The following VRK2 variants were observed in gnomAD, a reference collection of about 807,000 sequenced individuals.
VRK2 encodes serine/threonine-protein kinase VRK2.
Under a neutral mutation model 57.6 loss-of-function variants are expected in VRK2, and 60 were observed. The ratio of observed to expected loss-of-function variants is 1.04; its 90% confidence interval spans 0.85 to 1.29. The LOEUF is 1.29. Among genes scored for constraint, VRK2 ranks in the 50% most tolerant of loss-of-function variants. The probability of loss-of-function intolerance (pLI) is 0.00; values close to 1 mark genes in which losing one functional copy is unlikely to be tolerated. For synonymous variants in VRK2, 231 were observed against 199.2 expected (o/e 1.16, Z -1.35); for missense variants, 705 against 588.1 (o/e 1.20, Z -2.06).
intron 2 of VRK2, among the ~76,000 whole-genome samples, chr2:58,076,987 C>G (rs995613629): frequency 6.6e-6 from 1 of 151,884 alleles, no homozygotes; most frequent in Non-Finnish European, 1.5e-5. Flanking sequence ...AGAAAATTAG[C>G]ATTGATACAA....
intron 2 of VRK2, among the ~76,000 whole-genome samples, chr2:58,063,753 G>A (rs946890072): frequency 2.0e-5 from 3 of 152,036 alleles, no homozygotes; most frequent in East Asian, 1.9e-4. Flanking sequence ...AATACATTTC[G>A]TAAGGCTTCA....
rs186348336 is a variant in VRK2 at position 57,962,664 on chromosome 2, C to T, written c.-439+54825C>T. Among the ~76,000 whole-genome samples, 57 of 152,252 alleles carry T rather than the reference C, an allele frequency of 3.7e-4. 1 individual carries two copies. The Middle Eastern group carries it at 0.014, about 36-fold the overall frequency. ...TTTAGCTCCAATCTATAAATGAGAA[C>T]ATGCAGTATTTCCGGTCTCTATGTC... On this transcript the variant is annotated intron_variant, in intron 1 of 15. Transcript: ENST00000417641.
At chr2:58,139,904 G>T in intron 11 of VRK2, 72 bp downstream of exon 11, 2 of 1,466,826 alleles carry the variant, frequency 1.4e-6, no homozygotes, top group South Asian at 3.0e-5. Context: ...AATTGTTTTA[G>T]GTCTCAAAAT....
At chr2:58,133,362 C>A (rs1053036270) in intron 9 of VRK2, among the ~76,000 whole-genome samples, 1 of 152,016 alleles carries the variant, frequency 6.6e-6, no homozygotes, top group Non-Finnish European at 1.5e-5. Flanking sequence ...ATAATGTAAA[C>A]CTATAGACTA....
At chr2:58,015,058 C>G (rs924221786) in intron 1 of VRK2, among the ~76,000 whole-genome samples, 1 of 152,098 alleles carries the variant, frequency 6.6e-6, no homozygotes. Flanking sequence ...CACAATAGAG[C>G]ACTAATACAG....
chr2:58,114,158 G>T (rs908056612), intron 7 of VRK2, among the ~76,000 whole-genome samples: 2 of 152,076 alleles, frequency 1.3e-5, no homozygotes, highest in Non-Finnish European at 2.9e-5. Context: ...AAGAGAAGGA[G>T]AAAAACAGGT....
chr2:58,131,202 A>C (rs1679141472), intron 8 of VRK2, among the ~76,000 whole-genome samples: 1 of 151,700 alleles, frequency 6.6e-6, no homozygotes, highest in South Asian at 2.1e-4. Flanking sequence ...AATATTTGTA[A>C]AATTATCCAA....
intron 1 of VRK2, among the ~76,000 whole-genome samples, chr2:57,911,548 CCA>C (rs1415572171): frequency 6.6e-6 from 1 of 152,154 alleles, no homozygotes; most frequent in Non-Finnish European, 1.5e-5. Flanking sequence ...AAGTGGACTT[CCA>C]CCTTTGTTTT....
chr2:58,151,520 G>A (rs1254145653), intron 12 of VRK2, among the ~76,000 whole-genome samples: 1 of 151,200 alleles, frequency 6.6e-6, no homozygotes, highest in African/African-American at 2.4e-5. Context: ...ATAAAATCTG[G>A]CAAACACTAT....
intron 2 of VRK2, among the ~76,000 whole-genome samples, chr2:58,053,269 A>C (rs1676028297): frequency 2.0e-5 from 3 of 152,252 alleles, no homozygotes; most frequent in Admixed American, 2.0e-4. Context: ...ATCTTTTATA[A>C]AGATACTATC....
At chr2:57,951,877 T>C (rs1436516352) in intron 1 of VRK2, among the ~76,000 whole-genome samples, 1 of 151,672 alleles carries the variant, frequency 6.6e-6, no homozygotes, top group African/African-American at 2.4e-5. Flanking sequence ...CTGAGTAGTT[T>C]AAACTACAGA....
At chr2:58,095,936 G>A (rs929548936) in intron 7 of VRK2, among the ~76,000 whole-genome samples, 3 of 152,072 alleles carry the variant, frequency 2.0e-5, no homozygotes, top group Admixed American at 6.5e-5. Context: ...GAGTGTGTGT[G>A]TATCTGTTTA....
chr2:58,137,175 T>TATATCATATATGATAC (rs1553422375), intron 10 of VRK2, among the ~76,000 whole-genome samples: 5 of 82,282 alleles, frequency 6.1e-5, no homozygotes, highest in South Asian at 3.6e-4. Context: ...TCATATATCA[T>TATATCATATATGATAC]ATATATCATA....
intron 3 of VRK2, among the ~76,000 whole-genome samples, chr2:58,034,793 A>C (rs1006189788): frequency 2.0e-5 from 3 of 152,004 alleles, no homozygotes; most frequent in Non-Finnish European, 4.4e-5. Context: ...CAAAAAACAA[A>C]AAAAAAAACT....
At chr2:58,026,587 G>C (rs917447247) in intron 2 of VRK2, among the ~76,000 whole-genome samples, 3 of 152,156 alleles carry the variant, frequency 2.0e-5, no homozygotes, top group African/African-American at 7.2e-5. Context: ...TTTTTAGAAT[G>C]TATTGACCTT....
chr2:57,984,360 A>G (rs894910932), intron 1 of VRK2, among the ~76,000 whole-genome samples: 5 of 152,128 alleles, frequency 3.3e-5, no homozygotes, highest in African/African-American at 1.2e-4. Context: ...CCCTCTTAGC[A>G]AAGTGTTTTA....
At chr2:57,974,217 A>C (rs1672178075) in intron 1 of VRK2, among the ~76,000 whole-genome samples, 1 of 152,000 alleles carries the variant, frequency 6.6e-6, no homozygotes, top group African/African-American at 2.4e-5. Flanking sequence ...AATGGATCGA[A>C]AGAAAAACTG....
At chr2:57,973,779 GAT>G (rs148190875) in intron 1 of VRK2, among the ~76,000 whole-genome samples, 20 of 150,644 alleles carry the variant, frequency 1.3e-4, no homozygotes, top group African/African-American at 4.4e-4. Context: ...CTTCTTGAAA[GAT>G]ATATATATAT....
At chr2:57,961,644 T>C in intron 1 of VRK2, among the ~76,000 whole-genome samples, 1 of 108,166 alleles carries the variant, frequency 9.2e-6, no homozygotes, top group Non-Finnish European at 1.8e-5. Flanking sequence ...CACTTATTAC[T>C]CTGATTAATC....
Sources: gnomAD v4.1 joint callset for allele counts (sites outside exome capture counted in the v4.1 genomes callset) on GRCh38, gnomAD v4.1.1 for gene constraint, MANE v1.5 for transcripts, NCBI Gene and HGNC (gene_info 2026-07-23, HGNC 2026-07-21) for gene names.